SMARCA2: variants seen among roughly 807,000 people sequenced by gnomAD.
SMARCA2 encodes the protein SWI/SNF related BAF chromatin remodeling complex subunit ATPase 2, also known as SWI/SNF-related matrix-associated actin-dependent regulator of chromatin subfamily A member 2.
A neutral mutation model predicts 199.8 loss-of-function variants in SMARCA2; 61 were observed. The ratio of observed to expected loss-of-function variants is 0.31; its 90% CI spans 0.25 to 0.38. SMARCA2 has a LOEUF of 0.38. SMARCA2 is among the 10% of genes least tolerant of loss of function. The pLI, the probability that SMARCA2 is intolerant of heterozygous loss-of-function variation, is 1.00. For missense variants in SMARCA2, 1,344 were observed against 2,012.2 expected, an observed-to-expected ratio of 0.67 and a Z score of 6.35; for synonymous variants, 935 against 732.0, an observed-to-expected ratio of 1.28 and a Z score of -4.48.
intron 23 of SMARCA2, among the ~76,000 whole-genome samples, chr9:2,106,661 C>T (rs570674192): frequency 2.0e-5 from 3 of 152,166 alleles, no homozygotes; most frequent in African/African-American, 7.2e-5. Context: ...AATTTGATGT[C>T]TCAGATTTTG....
intron 31 of SMARCA2, among the ~76,000 whole-genome samples, chr9:2,184,886 A>G (rs1273667917): frequency 2.6e-5 from 4 of 151,820 alleles, no homozygotes; most frequent in African/African-American, 9.7e-5. Context: ...GTTCTGTCAT[A>G]CTCATACTCA....
intron 9 of SMARCA2, among the ~76,000 whole-genome samples, chr9:2,069,727 C>A (rs1354938838): frequency 6.6e-6 from 1 of 152,046 alleles, no homozygotes; most frequent in Non-Finnish European, 1.5e-5. Flanking sequence ...TGTTTTTATG[C>A]CCATGGAGTG....
intron 21 of SMARCA2, among the ~76,000 whole-genome samples, chr9:2,100,092 G>T (rs952115657): frequency 6.6e-6 from 1 of 152,170 alleles, no homozygotes; most frequent in African/African-American, 2.4e-5. Context: ...AAAGCTGCAG[G>T]GATCCAGGGA....
intron 26 of SMARCA2, among the ~76,000 whole-genome samples, chr9:2,120,823 T>C (rs1461987864): frequency 1.3e-5 from 2 of 152,170 alleles, no homozygotes; most frequent in Non-Finnish European, 2.9e-5. Flanking sequence ...CAGAGAGGAA[T>C]GGTAGTAAGA....
In SMARCA2 at chr9:2,039,931, C is replaced by G; in HGVS notation, c.790+31C>G. ...TTAATACGCAACCAAATGAATAATG[C>G]CATGGTCCAACTCGGATAACAAAGA... On this transcript the variant is annotated intron_variant, in intron 4 of 33. Coordinates refer to ENST00000349721, the MANE Select transcript of SMARCA2 (RefSeq NM_003070.5). The surrounding 1 kb of genome is among the most constrained non-coding windows in gnomAD (Gnocchi z 4.8). 6.2e-7 allele frequency: 1 copy of G among 1,608,488 alleles called. No individual in the cohort carries two copies. The highest frequency in any genetic ancestry group is 8.5e-7 in the Non-Finnish European group (1 of 1,177,482).
chr9:2,061,250 A>C (rs1334370245), intron 9 of SMARCA2, among the ~76,000 whole-genome samples: 1 of 152,246 alleles, frequency 6.6e-6, no homozygotes, highest in Admixed American at 6.5e-5. Context: ...ATTTTAAATT[A>C]AGTACATACA....
intron 9 of SMARCA2, among the ~76,000 whole-genome samples, chr9:2,066,577 C>G (rs1217332573): frequency 6.6e-6 from 1 of 152,188 alleles, no homozygotes; most frequent in Non-Finnish European, 1.5e-5. Context: ...TGTCCCCTTA[C>G]ATGATTAGGT....
intron 9 of SMARCA2, among the ~76,000 whole-genome samples, chr9:2,062,330 AT>A: frequency 6.6e-6 from 1 of 152,296 alleles, no homozygotes; most frequent in Non-Finnish European, 1.5e-5. Context: ...GTTTTTCCTA[AT>A]TCAGCCATGT....
At chr9:2,095,705 G>T (rs1822248071) in intron 19 of SMARCA2, among the ~76,000 whole-genome samples, 1 of 152,222 alleles carries the variant, frequency 6.6e-6, no homozygotes, top group African/African-American at 2.4e-5. Flanking sequence ...GAATATTCAA[G>T]TTCTCTGTGA....
At chr9:2,046,647 C>T (rs1485325108) in intron 4 of SMARCA2, among the ~76,000 whole-genome samples, 1 of 150,992 alleles carries the variant, frequency 6.6e-6, no homozygotes, top group Non-Finnish European at 1.5e-5. Flanking sequence ...GTTCTGACAG[C>T]AGGGCTCTTC....
intron 28 of SMARCA2, among the ~76,000 whole-genome samples, chr9:2,162,466 G>A (rs1825733288): frequency 6.6e-6 from 1 of 152,128 alleles, no homozygotes; most frequent in Non-Finnish European, 1.5e-5. Context: ...TTTGGATACA[G>A]ACTTTGAGAA....
chr9:2,173,867 A>G (rs1826392019), intron 29 of SMARCA2, among the ~76,000 whole-genome samples: 1 of 152,176 alleles, frequency 6.6e-6, no homozygotes, highest in Non-Finnish European at 1.5e-5. Flanking sequence ...TGTGGAGCAC[A>G]CTTTGGGAAA....
intron 31 of SMARCA2, among the ~76,000 whole-genome samples, chr9:2,185,446 G>C (rs1827370872): frequency 6.6e-6 from 1 of 152,088 alleles, no homozygotes; most frequent in Admixed American, 6.5e-5. Context: ...CCACCTCTTG[G>C]CTATTGTGAA....
chr9:2,043,019 G>C (rs1158388773), intron 4 of SMARCA2: 2 of 151,948 alleles, frequency 1.3e-5, no homozygotes, highest in African/African-American at 4.8e-5. Flanking sequence ...TTTTAGAAAA[G>C]ATAAAATAAG....
intron 32 of SMARCA2, among the ~76,000 whole-genome samples, chr9:2,188,042 T>A (rs1445411437): frequency 2.6e-5 from 4 of 152,194 alleles, no homozygotes; most frequent in Non-Finnish European, 5.9e-5. Context: ...TTTTCAAATA[T>A]ATTAAAAGTA....
At chr9:2,044,155 T>C (rs1819731842) in intron 4 of SMARCA2, 1 of 152,208 alleles carries the variant, frequency 6.6e-6, no homozygotes, top group African/African-American at 2.4e-5. Flanking sequence ...TAGGTAGACT[T>C]TGGGCAAGGC....
Position 2,110,707 on chromosome 9 carries a change from A to G in SMARCA2, c.3456+290A>G, listed in dbSNP as rs1822955027. Among the ~76,000 whole-genome samples the G allele has an allele frequency of 2.0e-5, 3 of 152,364 alleles. No homozygotes were observed. The South Asian group carries it at 6.2e-4, about 32-fold the overall frequency. ...AACAAAGTATATTTAATGAGGGATA[A>G]GTCAAAAATGTTGCAAAATCATAGC... On this transcript the variant is annotated intron_variant, in intron 24 of 33. Transcript: ENST00000349721. The surrounding 1 kb of genome is among the most constrained non-coding windows in gnomAD (Gnocchi z 4.8).
chr9:2,025,544 G>T (rs995715515), intron 1 of SMARCA2, among the ~76,000 whole-genome samples: 2 of 152,124 alleles, frequency 1.3e-5, no homozygotes, highest in Non-Finnish European at 2.9e-5. Flanking sequence ...ACCCTACTAT[G>T]CTTACTGCTG....
Position 2,083,417 on chromosome 9 carries a change from T to G in SMARCA2, c.2415+4T>G. ...TGTGGTGAAGATTTCTTACAAGGTT[T>G]GGAATGCTGTATTTATATATAAATG... On this transcript the variant is annotated splice_donor_region_variant and intron_variant, in intron 16 of 33. Transcript: ENST00000349721. The G allele has an allele frequency of 6.3e-7, 1 of 1,591,568 alleles. No homozygotes were observed. Among genetic ancestry groups the G allele is most frequent in the Non-Finnish European group, 8.6e-7 (1 of 1,163,286 alleles).
Sources: allele counts gnomAD v4.1 joint callset (sites outside exome capture counted in the v4.1 genomes callset), GRCh38; gene constraint gnomAD v4.1.1; non-coding constraint Gnocchi (gnomAD v3.1); transcripts MANE v1.5; gene names NCBI Gene and HGNC (gene_info 2026-07-23, HGNC 2026-07-21).